The following PHF21A variants were observed in gnomAD, a reference collection of about 807,000 sequenced individuals.
PHF21A encodes BHC80a.
PHF21A carries 11 observed loss-of-function variants against 82.5 expected under a neutral mutation model. That is an observed-to-expected ratio of 0.13 (90% CI 0.08 to 0.22). The LOEUF (loss-of-function observed/expected upper bound fraction) is 0.22. Among genes scored for constraint, PHF21A ranks in the 10% least tolerant of loss-of-function variants. The probability of loss-of-function intolerance (pLI) is 1.00; values close to 1 mark genes in which losing one functional copy is unlikely to be tolerated. For missense variants in PHF21A, 579 were observed against 837.8 expected, an observed-to-expected ratio of 0.69 and a Z score of 3.81; for synonymous variants, 297 against 302.8, an observed-to-expected ratio of 0.98 and a Z score of 0.20.
In PHF21A at chr11:46,009,757, T is replaced by A. The variant is rs576157310; in HGVS notation, c.154-29791A>T. On this transcript the variant is annotated intron_variant, in intron 6 of 18. Coordinates refer to ENST00000676320, the MANE Select transcript of PHF21A (RefSeq NM_001352027.3). ...CCACTTAGTCACTGCACAATACAAT[T>A]AATATAATTCTGCTCGTTCATTGTT... 2.6e-5 allele frequency among the ~76,000 whole-genome samples: 4 copies of A among 152,314 alleles called. 1 individual carries two copies. The highest frequency in any genetic ancestry group is 2.6e-4 in the Admixed American group (4 of 15,306).
At chr11:46,026,846 G>A (rs1030062067) in intron 6 of PHF21A, 1 of 152,214 alleles carries the variant, frequency 6.6e-6, no homozygotes, top group African/African-American at 2.4e-5. Flanking sequence ...AGAATGCTGA[G>A]AAGGCCTTAC....
intron 6 of PHF21A, among the ~76,000 whole-genome samples, chr11:46,058,132 G>A (rs2139392280): frequency 6.6e-6 from 1 of 152,206 alleles, no homozygotes; most frequent in East Asian, 1.9e-4. Flanking sequence ...GAAAGTCATA[G>A]CCTGAACACC....
intron 10 of PHF21A, among the ~76,000 whole-genome samples, chr11:45,964,653 CCT>C (rs1422515315): frequency 6.6e-6 from 1 of 152,170 alleles, no homozygotes; most frequent in African/African-American, 2.4e-5. Flanking sequence ...ACGGTGACTG[CCT>C]ATAAATCCTT....
chr11:45,936,138 C>T (rs2135049023), intron 17 of PHF21A, among the ~76,000 whole-genome samples: 1 of 152,206 alleles, frequency 6.6e-6, no homozygotes, highest in Admixed American at 6.5e-5. Flanking sequence ...GTTAACTGGT[C>T]ATGGTAGTAC....
rs1565129318 is a variant in PHF21A at position 45,934,219 on chromosome 11, T to C, written c.1795A>G (p.Met599Val). The change falls in exon 19 of 19, where the codon ATG (methionine) becomes GTG (valine). Residue 599 changes from methionine (M) to valine (V), a missense_variant. Met to Val is a conservative substitution (Grantham distance 21). Transcript: ENST00000676320. ...KQLSNSISKC[M>V]EMKNTILARQ... is the part of the protein sequence containing the mutation. ...GCCAGGATGGTGTTCTTCATTTCCA[T>C]GCATTTCTGCAGCAAATGACAAGGG... 1 of 1,612,170 alleles carries C rather than the reference T, an allele frequency of 6.2e-7. No homozygotes were observed.
intron 6 of PHF21A, among the ~76,000 whole-genome samples, chr11:45,998,701 G>A (rs1006550410): frequency 1.3e-5 from 2 of 151,714 alleles, no homozygotes; most frequent in Non-Finnish European, 2.9e-5. Context: ...TAGTAGAGAC[G>A]GGGTTTCTCC....
At chr11:45,942,609 T>C (rs976610987) in intron 15 of PHF21A, among the ~76,000 whole-genome samples, 1 of 152,174 alleles carries the variant, frequency 6.6e-6, no homozygotes, top group Admixed American at 6.5e-5. Context: ...AAATGCTGAA[T>C]CTTTAGAGAA....
intron 6 of PHF21A, among the ~76,000 whole-genome samples, chr11:46,058,427 G>C (rs767099715): frequency 1.1e-4 from 17 of 152,192 alleles, no homozygotes; most frequent in Non-Finnish European, 2.2e-4. Flanking sequence ...AAAAAGGGCA[G>C]GCAGGAACTT....
chr11:46,090,743 T>C (rs1957289323), intron 2 of PHF21A, among the ~76,000 whole-genome samples, 177 bp from the exon 3 acceptor site: 1 of 151,140 alleles, frequency 6.6e-6, no homozygotes, highest in Admixed American at 6.6e-5. Flanking sequence ...TGGTATTCAA[T>C]ATGTACCTGA....
rs140164173 is a variant in PHF21A, at chr11:45,940,217, G to A, written c.1453-1905C>T. On this transcript the variant is annotated intron_variant, in intron 15 of 18. Coordinates refer to ENST00000676320, the MANE Select transcript of PHF21A (RefSeq NM_001352027.3). ...CTTTTTCTTTTTTTTTTTTTTAGAC[G>A]GAGTCTCTTGCTCTGTTGCCCAGGC... Among the ~76,000 whole-genome samples the A allele has an allele frequency of 5.5e-4, 82 of 150,290 alleles. 3 individuals are homozygous for A. The East Asian group carries it at 0.014, about 25-fold the overall frequency.
intron 4 of PHF21A, among the ~76,000 whole-genome samples, chr11:46,081,808 C>T (rs778471961): frequency 7.9e-5 from 12 of 152,186 alleles, no homozygotes; most frequent in Non-Finnish European, 1.3e-4. Flanking sequence ...GGAAAAAAGC[C>T]ATACTCATTC....
At chr11:46,076,144 G>A (rs2096722374) in intron 6 of PHF21A, among the ~76,000 whole-genome samples, 1 of 152,150 alleles carries the variant, frequency 6.6e-6, no homozygotes, top group African/African-American at 2.4e-5. Flanking sequence ...GTAAAGTGGA[G>A]GTCATCATAC....
chr11:46,046,851 A>G (rs958556817), intron 6 of PHF21A, among the ~76,000 whole-genome samples: 3 of 152,340 alleles, frequency 2.0e-5, no homozygotes, highest in African/African-American at 7.2e-5. Flanking sequence ...GATTTCTCCC[A>G]TCCACACAGT....
chr11:46,033,627 G>C (rs2138420907), intron 6 of PHF21A, among the ~76,000 whole-genome samples: 1 of 152,292 alleles, frequency 6.6e-6, no homozygotes, highest in Admixed American at 6.5e-5. Context: ...CTGTATGTCT[G>C]TAAGAGTGTC....
At chr11:45,935,312 C>A in intron 18 of PHF21A, 1 of 1,212,220 alleles carries the variant, frequency 8.2e-7, no homozygotes, top group Non-Finnish European at 1.1e-6. Context: ...CGCTACACTC[C>A]CCCCACACAC....
chr11:46,010,980 T>TCTCTCACACACACACACCC (rs2095402091), intron 6 of PHF21A, among the ~76,000 whole-genome samples: 1 of 152,062 alleles, frequency 6.6e-6, no homozygotes, highest in South Asian at 2.1e-4. Context: ...TTTCTCTCTC[T>TCTCTCACACACACACACCC]CTCTCACACA....
At chr11:46,066,488 A>T (rs556607304) in intron 6 of PHF21A, among the ~76,000 whole-genome samples, 83 of 152,194 alleles carry the variant, frequency 5.5e-4, no homozygotes, top group Non-Finnish European at 1.1e-3. Context: ...ATCACTTGCC[A>T]GGAATTCAAG....
In PHF21A at chr11:45,953,556, G is replaced by A; in HGVS notation, c.1066C>T (p.Pro356Ser). The change falls in exon 11 of 19, where the codon CCC (proline) becomes TCC (serine). Residue 356 changes from proline to serine, a missense_variant. Around this residue, in one of 3 missense-constraint regions of PHF21A, gnomAD observed 410 missense variants for 642.1 expected, o/e 0.64. Transcript: ENST00000676320. Reference sequence around the variant, plus strand: ...GGGTTCTCCTCCCGTTTTGGTTTGGGTGCAGCAGGTGGGGTGATGGTGCGG... The same window carrying A: ...GGGTTCTCCTCCCGTTTTGGTTTGGATGCAGCAGGTGGGGTGATGGTGCGG... ...ESRTITPPAAPKPKREENPQK... is the reference protein window; with the variant it reads ...ESRTITPPAASKPKREENPQK... 3.7e-6 allele frequency: 6 copies of A among 1,613,766 alleles called. No individual in the cohort carries two copies. Among genetic ancestry groups the A allele is most frequent in the Non-Finnish European group, 5.1e-6 (6 of 1,179,698 alleles).
chr11:46,084,134 ACAG>A, intron 4 of PHF21A, 29 bp downstream of exon 4: 2 of 1,498,892 alleles, frequency 1.3e-6, no homozygotes, highest in Non-Finnish European at 1.8e-6. Context: ...TTACTTAACA[ACAG>A]TGTGGGAGAA....
Sources: gnomAD v4.1 joint callset for allele counts (sites outside exome capture counted in the v4.1 genomes callset) on GRCh38, gnomAD v4.1.1 for gene constraint, gnomAD v4.1.1 regional missense constraint, MANE v1.5 for transcripts, NCBI Gene and HGNC (gene_info 2026-07-23, HGNC 2026-07-21) for gene names.